The following PRKN variants were observed in gnomAD, a reference collection of about 807,000 sequenced individuals.
PRKN encodes the protein parkin RBR E3 ubiquitin protein ligase.
A neutral mutation model predicts 59.5 loss-of-function variants in PRKN; 56 were observed. That is an observed-to-expected ratio of 0.94 (90% CI 0.76 to 1.18). PRKN has a LOEUF of 1.18. Among genes scored for constraint, PRKN ranks in the 50% most tolerant of loss-of-function variants. The probability of loss-of-function intolerance (pLI) is 0.00; values close to 1 mark genes in which losing one functional copy is unlikely to be tolerated. For missense variants in PRKN, 657 were observed against 596.4 expected (o/e 1.10, Z -1.06); for synonymous variants, 250 against 222.1 (o/e 1.13, Z -1.12).
chr6:161,500,641 CT>C (rs1378195013), intron 9 of PRKN, among the ~76,000 whole-genome samples: 1 of 152,118 alleles, frequency 6.6e-6, no homozygotes, highest in Non-Finnish European at 1.5e-5. Flanking sequence ...CAGTACGTTT[CT>C]TTTTAGCATG....
In PRKN at chr6:162,312,726, G is replaced by A. The variant is rs574229085; in HGVS notation, c.172-49961C>T. On this transcript the variant is annotated intron_variant, in intron 2 of 11. Transcript: ENST00000366898. Reference sequence around the variant, plus strand: ...AGAGGTCATAAAGCCTTTGTGGATCGGATAAAAGCTATGGATTATCTTTTC... The same window carrying A: ...AGAGGTCATAAAGCCTTTGTGGATCAGATAAAAGCTATGGATTATCTTTTC... 1.2e-4 allele frequency among the ~76,000 whole-genome samples: 19 copies of A among 152,154 alleles called. 1 individual carries two copies. Among genetic ancestry groups the A allele is most frequent in the South Asian group, 2.1e-4 (1 of 4,814 alleles).
At position 162,216,449 on chromosome 6, in the gene PRKN, GAACCCGGGAAGC is replaced by G. The variant is rs748964809; in HGVS notation, c.413-15209_413-15198del. 1.9e-4 allele frequency among the ~76,000 whole-genome samples: 27 copies of G among 141,862 alleles called. No homozygotes were observed. The East Asian group carries it at 6.0e-3, about 31-fold the overall frequency. The allele number at this position is 141,862 out of a possible 152,430, so 93.1% of individuals were successfully genotyped here. A position where few individuals can be genotyped will look rare whatever the true frequency, so the allele number is the denominator to read the frequency against. On this transcript the variant is annotated intron_variant, in intron 3 of 11. Transcript: ENST00000366898. ...GGAGGCTGAGGCAGGAGAATGGCGT[GAACCCGGGAAGC>G]GGAGCTTGCAGTGAGCCGAGATTGC...
chr6:162,054,282 T>C, intron 4 of PRKN, 108 bp from the exon 5 acceptor site: 1 of 792,936 alleles, frequency 1.3e-6, no homozygotes, highest in Admixed American at 2.0e-5. Context: ...TAGTGTGTAG[T>C]CCAATGATTT....
chr6:161,764,311 C>T (rs771649927), intron 7 of PRKN, among the ~76,000 whole-genome samples: 2 of 152,192 alleles, frequency 1.3e-5, no homozygotes, highest in Admixed American at 6.5e-5. Context: ...TTCTGCAAAC[C>T]GTTGCTTCTC....
chr6:162,630,670 A>G lies in PRKN; in HGVS notation c.7+96992T>C, dbSNP rs571692220. Among the ~76,000 whole-genome samples, 22 of 152,226 alleles carry G rather than the reference A, an allele frequency of 1.4e-4. No individual in the cohort carries two copies. In the East Asian group the frequency reaches 3.7e-3, roughly 25 times the overall value. ...ATCTTTATCTGTAATATTTCCAGTC[A>G]ATTTCATAGAAAAGAGCCTTGAATT... On this transcript the variant is annotated intron_variant, in intron 1 of 11. Transcript: ENST00000366898.
At chr6:162,312,027 G>C (rs1782539463) in intron 2 of PRKN, among the ~76,000 whole-genome samples, 1 of 151,994 alleles carries the variant, frequency 6.6e-6, no homozygotes, top group Non-Finnish European at 1.5e-5. Context: ...ATATATGTGT[G>C]TGTTTGCACA....
At chr6:162,073,860 T>C (rs1778696168) in intron 4 of PRKN, among the ~76,000 whole-genome samples, 1 of 152,184 alleles carries the variant, frequency 6.6e-6, no homozygotes, top group Non-Finnish European at 1.5e-5. Flanking sequence ...AATACCATAA[T>C]TTACCCACTC....
chr6:161,358,955 C>T (rs187809403), intron 11 of PRKN, among the ~76,000 whole-genome samples: 12 of 151,972 alleles, frequency 7.9e-5, no homozygotes, highest in Middle Eastern at 3.4e-3. Flanking sequence ...CCACCACACC[C>T]GGCTAATTTT....
At chr6:162,623,426 GCTTT>G (rs1692554463) in intron 1 of PRKN, among the ~76,000 whole-genome samples, 1 of 152,160 alleles carries the variant, frequency 6.6e-6, no homozygotes, top group Admixed American at 6.5e-5. Context: ...GTTCGTTTGA[GCTTT>G]CTGACACTAA....
At chr6:162,131,073 G>T (rs1421191810) in intron 4 of PRKN, among the ~76,000 whole-genome samples, 2 of 152,004 alleles carry the variant, frequency 1.3e-5, no homozygotes, top group Non-Finnish European at 2.9e-5. Flanking sequence ...TCCTTTCCCT[G>T]AAAATCACAG....
At chr6:162,218,232 A>G (rs2156268) in intron 3 of PRKN, among the ~76,000 whole-genome samples, 8,511 of 152,252 alleles carry the variant, frequency 0.056, 273 homozygotes, top group African/African-American at 0.065. Context: ...CCCTCTGGGG[A>G]AGGACACTGG....
intron 6 of PRKN, among the ~76,000 whole-genome samples, chr6:161,907,623 A>G (rs1163311119): frequency 6.6e-6 from 1 of 152,138 alleles, no homozygotes; most frequent in Non-Finnish European, 1.5e-5. Flanking sequence ...GGGACGTAAG[A>G]GAGGAAAATA....
intron 7 of PRKN, among the ~76,000 whole-genome samples, chr6:161,610,492 TACACACACAC>T (rs370179659): frequency 6.4e-4 from 90 of 139,854 alleles, no homozygotes; most frequent in Middle Eastern, 3.7e-3. Context: ...ATATTAATAA[TACACACACAC>T]ACACACACAC....
chr6:161,969,570 C>CT (rs967730980), intron 6 of PRKN, among the ~76,000 whole-genome samples: 1 of 152,028 alleles, frequency 6.6e-6, no homozygotes, highest in African/African-American at 2.4e-5. Context: ...CATAACAGGC[C>CT]TGTCTGACCT....
intron 7 of PRKN, among the ~76,000 whole-genome samples, chr6:161,656,558 T>C (rs918502370): frequency 6.6e-6 from 1 of 152,172 alleles, no homozygotes; most frequent in African/African-American, 2.4e-5. Context: ...CCGTGGAACA[T>C]GCCTACTGGT....
intron 3 of PRKN, among the ~76,000 whole-genome samples, chr6:162,253,193 T>C (rs76493908): frequency 0.021 from 3,180 of 152,210 alleles, 116 homozygotes; most frequent in African/African-American, 0.073. Flanking sequence ...AAATGGTAAT[T>C]GAAAGAGAAA....
chr6:162,323,514 T>G (rs1026952332), intron 2 of PRKN, among the ~76,000 whole-genome samples: 1 of 152,028 alleles, frequency 6.6e-6, no homozygotes, highest in Non-Finnish European at 1.5e-5. Context: ...ATATGATATA[T>G]TCTTGTATCT....
intron 9 of PRKN, among the ~76,000 whole-genome samples, chr6:161,519,756 T>A (rs1778750886): frequency 6.6e-6 from 1 of 152,218 alleles, no homozygotes; most frequent in African/African-American, 2.4e-5. Flanking sequence ...CATTTAGCCA[T>A]CATCTTCATT....
chr6:162,111,288 A>G (rs1028862452), intron 4 of PRKN, among the ~76,000 whole-genome samples: 30 of 152,004 alleles, frequency 2.0e-4, no homozygotes, highest in African/African-American at 6.8e-4. Context: ...ACACAGTGAA[A>G]CCCCGTCTCT....
Sources: allele counts gnomAD v4.1 joint callset (sites outside exome capture counted in the v4.1 genomes callset), GRCh38; gene constraint gnomAD v4.1.1; transcripts MANE v1.5; gene names NCBI Gene and HGNC (gene_info 2026-07-23, HGNC 2026-07-21).